Variants in PDE1C observed in about 807,000 individuals in gnomAD.
PDE1C encodes dual specificity calcium/calmodulin-dependent 3',5'-cyclic nucleotide phosphodiesterase 1C.
Under a neutral mutation model 93.1 loss-of-function variants are expected in PDE1C, and 62 were observed. That is an observed-to-expected ratio of 0.67 (90% confidence interval 0.54 to 0.82). PDE1C has a LOEUF of 0.82. PDE1C is among the 40% of genes least tolerant of loss of function. The pLI is 0.00. For synonymous variants in PDE1C, 325 were observed against 310.1 expected, an observed-to-expected ratio of 1.05 and a Z score of -0.50; for missense variants, 742 against 884.6, an observed-to-expected ratio of 0.84 and a Z score of 2.04.
intron 1 of PDE1C, among the ~76,000 whole-genome samples, chr7:32,231,253 G>C (rs1476673864): frequency 6.6e-6 from 1 of 152,084 alleles, no homozygotes; most frequent in Non-Finnish European, 1.5e-5. Flanking sequence ...TTGCAATAGT[G>C]TTCTGGGAAG....
the PDE1C span, chr7:31,707,225 A>T: frequency 6.2e-7 from 1 of 1,614,004 alleles, no homozygotes; most frequent in East Asian, 2.2e-5. Context: ...CTCAGGGACG[A>T]GAGACCCAAA....
Position 32,282,667 on chromosome 7 carries a change from G to A in PDE1C, c.85+15984C>T, listed in dbSNP as rs1415933990. Among the ~76,000 whole-genome samples the A allele has an allele frequency of 7.2e-5, 9 of 125,426 alleles. No homozygotes were observed. The East Asian group carries it at 1.8e-3, about 25-fold the overall frequency. 82.3% of individuals were successfully genotyped at this position (125,426 alleles called of 152,430 possible). A position where few individuals can be genotyped will look rare whatever the true frequency, so the allele number is the denominator to read the frequency against. On this transcript the variant is annotated intron_variant, in intron 1 of 18. Coordinates refer to the PDE1C transcript ENST00000396193. ...CACGATCTCGGCTCACTGCAAGTCC[G>A]CCTCCTGGGTTCACGCCATTCTCCT...
intron 1 of PDE1C, among the ~76,000 whole-genome samples, chr7:32,338,773 G>A (rs1783680179): frequency 6.6e-6 from 1 of 152,176 alleles, no homozygotes; most frequent in African/African-American, 2.4e-5. Context: ...GGAGGCCGAG[G>A]TGGGCGGATC....
intron 2 of PDE1C, among the ~76,000 whole-genome samples, chr7:31,995,120 T>A (rs1032771037): frequency 6.6e-6 from 1 of 152,224 alleles, no homozygotes; most frequent in Non-Finnish European, 1.5e-5. Flanking sequence ...CCAGATGCTA[T>A]TTTGGACATT....
the PDE1C span, among the ~76,000 whole-genome samples, chr7:31,640,217 G>A: frequency 6.6e-6 from 1 of 152,190 alleles, no homozygotes; most frequent in African/African-American, 2.4e-5. Context: ...CTGTGAAATA[G>A]GAGGTTTTGC....
chr7:32,338,775 G>A (rs1433292556), intron 1 of PDE1C, among the ~76,000 whole-genome samples: 1 of 152,096 alleles, frequency 6.6e-6, no homozygotes, highest in Non-Finnish European at 1.5e-5. Context: ...AGGCCGAGGT[G>A]GGCGGATCAC....
intron 1 of PDE1C, among the ~76,000 whole-genome samples, chr7:32,346,718 G>A (rs531775677): frequency 2.0e-5 from 3 of 152,338 alleles, no homozygotes; most frequent in African/African-American, 7.2e-5. Flanking sequence ...TGCAAATTAT[G>A]TATAAATCCT....
At chr7:32,317,666 C>T (rs976016346) in intron 1 of PDE1C, among the ~76,000 whole-genome samples, 6 of 151,990 alleles carry the variant, frequency 3.9e-5, no homozygotes, top group South Asian at 2.1e-4. Context: ...GCCATGTTAA[C>T]GCAGTAAAAT....
At chr7:32,049,515 A>G (rs1234148191) in intron 2 of PDE1C, among the ~76,000 whole-genome samples, 2 of 152,162 alleles carry the variant, frequency 1.3e-5, no homozygotes, top group Non-Finnish European at 2.9e-5. Context: ...TGGCCCAAAT[A>G]GAAACAGAAA....
chr7:31,865,497 A>G (rs1311995173), intron 6 of PDE1C, among the ~76,000 whole-genome samples: 1 of 152,196 alleles, frequency 6.6e-6, no homozygotes, highest in Admixed American at 6.5e-5. Context: ...GGAAAAAAAG[A>G]TGCTACATAG....
intron 2 of PDE1C, among the ~76,000 whole-genome samples, chr7:31,900,311 T>G (rs1408662818): frequency 1.3e-5 from 2 of 152,116 alleles, no homozygotes; most frequent in Non-Finnish European, 2.9e-5. Flanking sequence ...TTTTATCAAA[T>G]GCTTATTGTT....
At chr7:31,744,962 T>C in the PDE1C span, among the ~76,000 whole-genome samples, 1 of 152,084 alleles carries the variant, frequency 6.6e-6, no homozygotes. Context: ...AGCAGAGATA[T>C]GTGAAGAGCA....
chr7:32,084,716 C>A (rs200775689), intron 3 of PDE1C, among the ~76,000 whole-genome samples: 1 of 129,818 alleles, frequency 7.7e-6, no homozygotes, highest in East Asian at 2.0e-4. Flanking sequence ...AACCACTCAA[C>A]TACATGGAAA....
chr7:32,229,538 G>A (rs970650353), intron 1 of PDE1C, among the ~76,000 whole-genome samples: 3 of 152,122 alleles, frequency 2.0e-5, no homozygotes, highest in Admixed American at 2.0e-4. Context: ...TTTTCCACTA[G>A]ACCTTTATAC....
At chr7:32,215,262 G>A (rs1806346008) in intron 1 of PDE1C, among the ~76,000 whole-genome samples, 2 of 152,160 alleles carry the variant, frequency 1.3e-5, no homozygotes, top group Non-Finnish European at 2.9e-5. Context: ...GCATGTGAGG[G>A]ATCTAGGCTG....
At chr7:31,719,556 C>A in the PDE1C span, among the ~76,000 whole-genome samples, 1 of 152,204 alleles carries the variant, frequency 6.6e-6, no homozygotes, top group African/African-American at 2.4e-5. Flanking sequence ...AATGTTCTCA[C>A]AAGTTCCAGG....
At chr7:32,184,937 C>A (rs1259070253) in intron 2 of PDE1C, among the ~76,000 whole-genome samples, 2 of 152,120 alleles carry the variant, frequency 1.3e-5, no homozygotes, top group Non-Finnish European at 2.9e-5. Flanking sequence ...CGTGGAGAAA[C>A]CCCATCTCTA....
chr7:32,125,114 A>G (rs955366452), intron 3 of PDE1C, among the ~76,000 whole-genome samples: 2 of 152,198 alleles, frequency 1.3e-5, no homozygotes, highest in African/African-American at 4.8e-5. Context: ...AATATATGAA[A>G]AAGAGCTCTA....
At chr7:31,960,020 C>T (rs1436417576) in intron 2 of PDE1C, among the ~76,000 whole-genome samples, 1 of 126,496 alleles carries the variant, frequency 7.9e-6, no homozygotes, top group African/African-American at 2.8e-5. Flanking sequence ...CGCCCACCAT[C>T]ACGCACAGCT....
Sources: allele counts gnomAD v4.1 joint callset (sites outside exome capture counted in the v4.1 genomes callset), GRCh38; gene constraint gnomAD v4.1.1; transcripts MANE v1.5; gene names NCBI Gene and HGNC (gene_info 2026-07-23, HGNC 2026-07-21).